TRPM3: variants seen among roughly 807,000 people sequenced by gnomAD.
TRPM3 encodes the protein long transient receptor potential channel 3.
A neutral mutation model predicts 181.2 loss-of-function variants in TRPM3; 77 were observed. The observed-to-expected ratio is 0.42, with a 90% CI of 0.35 to 0.51. The LOEUF (loss-of-function observed/expected upper bound fraction) is 0.51. Ranked by LOEUF, TRPM3 falls within the 20% of genes least tolerant of loss-of-function variation. The pLI is 0.01. For missense variants in TRPM3, 1,759 were observed against 2,196.7 expected (o/e 0.80, Z 3.98); for synonymous variants, 745 against 796.4 (o/e 0.94, Z 1.09).
At chr9:70,581,911 C>T (rs1339963971) in intron 22 of TRPM3, among the ~76,000 whole-genome samples, 5 of 142,682 alleles carry the variant, frequency 3.5e-5, no homozygotes, top group Non-Finnish European at 7.7e-5. Flanking sequence ...TCCCTCCCTT[C>T]TTCATTCCTT....
At chr9:70,990,973 G>A (rs1242966806) in intron 1 of TRPM3, among the ~76,000 whole-genome samples, 2 of 152,118 alleles carry the variant, frequency 1.3e-5, no homozygotes, top group African/African-American at 4.8e-5. Flanking sequence ...ATAAATAACT[G>A]TTGTTGCAAT....
intron 1 of TRPM3, among the ~76,000 whole-genome samples, chr9:71,050,033 C>T (rs907466433): frequency 3.3e-5 from 5 of 152,116 alleles, no homozygotes; most frequent in African/African-American, 1.2e-4. Context: ...ATAATAACAA[C>T]CTTCTTGCAG....
chr9:71,151,715 A>C (rs2075743479), intron 1 of TRPM3, among the ~76,000 whole-genome samples: 1 of 152,152 alleles, frequency 6.6e-6, no homozygotes, highest in African/African-American at 2.4e-5. Flanking sequence ...ATTTCCAGCC[A>C]TAGAAGAATG....
chr9:71,184,168 G>A (rs1565314689), intron 1 of TRPM3, among the ~76,000 whole-genome samples: 1 of 152,006 alleles, frequency 6.6e-6, no homozygotes, highest in Non-Finnish European at 1.5e-5. Flanking sequence ...AAAAAGGGAG[G>A]AATACCTCCC....
chr9:70,598,982 T>G (rs2059444773), intron 20 of TRPM3, among the ~76,000 whole-genome samples: 1 of 152,192 alleles, frequency 6.6e-6, no homozygotes, highest in African/African-American at 2.4e-5. Context: ...TCTTCCTTCA[T>G]CTCAGTAAAC....
rs867647625 is a variant in TRPM3 at position 71,409,416 on chromosome 9, C to A, written c.183+37237G>T. On this transcript the variant is annotated intron_variant, in intron 1 of 24. Transcript: ENST00000357533. ...TCAAAATAAAGGGATAGAGGAAGAT[C>A]TACCAAGCAAATGGAAAACAAAAAA... Among the ~76,000 whole-genome samples, 5 of 152,228 alleles carry A rather than the reference C, an allele frequency of 3.3e-5. No individual in the cohort carries two copies. In the South Asian group the frequency reaches 1.0e-3, roughly 32 times the overall value.
chr9:70,574,531 T>G (rs563310853), intron 22 of TRPM3, among the ~76,000 whole-genome samples: 34 of 152,366 alleles, frequency 2.2e-4, no homozygotes, highest in Non-Finnish European at 4.3e-4. Context: ...GCACTCTGTA[T>G]TCCTTCATCA....
chr9:71,346,893 GGC>G (rs1565484821), intron 1 of TRPM3, among the ~76,000 whole-genome samples: 24 of 152,060 alleles, frequency 1.6e-4, no homozygotes, highest in African/African-American at 5.6e-4. Context: ...TTATTTTCTG[GGC>G]AGCACGGATA....
chr9:70,578,632 G>A (rs2054712890), intron 22 of TRPM3, among the ~76,000 whole-genome samples: 1 of 152,222 alleles, frequency 6.6e-6, no homozygotes, highest in Non-Finnish European at 1.5e-5. Context: ...GTGAAACCCT[G>A]TAAGGGATGA....
At chr9:70,580,006 T>C (rs1188465569) in intron 22 of TRPM3, among the ~76,000 whole-genome samples, 1 of 152,168 alleles carries the variant, frequency 6.6e-6, no homozygotes, top group Non-Finnish European at 1.5e-5. Context: ...ATTTCAGCTA[T>C]TTTGGGGGTT....
chr9:70,537,465 G>A (rs1040446043), intron 25 of TRPM3, 60 bp from the exon 26 acceptor site: 2 of 1,384,718 alleles, frequency 1.4e-6, no homozygotes, highest in African/African-American at 1.4e-5. Context: ...GGGCTTTAGA[G>A]AGCAAGGATA....
At chr9:71,223,371 A>G (rs185604281) in intron 1 of TRPM3, among the ~76,000 whole-genome samples, 120 of 152,288 alleles carry the variant, frequency 7.9e-4, no homozygotes, top group Non-Finnish European at 6.0e-4. Context: ...CTGACATAAA[A>G]GCCTTGAGGC....
At chr9:70,618,761 C>T in intron 17 of TRPM3, 106 bp downstream of exon 17, 1 of 923,692 alleles carries the variant, frequency 1.1e-6, no homozygotes, top group South Asian at 1.4e-5. Flanking sequence ...TAGAACCTCC[C>T]TCCTGAGATA....
chr9:71,267,373 C>T (rs1370726642), intron 1 of TRPM3, among the ~76,000 whole-genome samples: 2 of 152,210 alleles, frequency 1.3e-5, no homozygotes, highest in Admixed American at 6.5e-5. Context: ...AGACCTGTTT[C>T]ATTCATCACT....
intron 1 of TRPM3, among the ~76,000 whole-genome samples, chr9:71,219,808 C>T (rs924416969): frequency 3.3e-5 from 5 of 152,160 alleles, no homozygotes; most frequent in South Asian, 2.1e-4. Context: ...TATGGGACAA[C>T]GCATTCAAGT....
chr9:71,400,324 T>C (rs2093312761), intron 1 of TRPM3, among the ~76,000 whole-genome samples: 1 of 152,212 alleles, frequency 6.6e-6, no homozygotes, highest in Non-Finnish European at 1.5e-5. Context: ...TTCCAGCAGC[T>C]AATTCTAAGT....
At position 71,330,296 on chromosome 9, in the gene TRPM3, C is replaced by T. The variant is rs373215012; in HGVS notation, c.183+116357G>A. On this transcript the variant is annotated intron_variant, in intron 1 of 24. Coordinates refer to the TRPM3 transcript ENST00000357533. ...AATTACTTTCAGAAATACACAGTAA[C>T]TCAATTAGGGAACCAAAAAGTTTTC... Among the ~76,000 whole-genome samples, 7 of 151,808 alleles carry T rather than the reference C, an allele frequency of 4.6e-5. No individual in the cohort carries two copies. In the East Asian group the frequency reaches 5.8e-4, roughly 13 times the overall value.
chr9:71,149,339 G>C (rs996454617), intron 1 of TRPM3, among the ~76,000 whole-genome samples: 1 of 151,986 alleles, frequency 6.6e-6, no homozygotes, highest in Non-Finnish European at 1.5e-5. Context: ...GGAGGTGGAG[G>C]CTGCAGTGAG....
intron 1 of TRPM3, among the ~76,000 whole-genome samples, chr9:70,892,572 T>G (rs944842220): frequency 6.6e-6 from 1 of 151,172 alleles, no homozygotes; most frequent in Non-Finnish European, 1.5e-5. Flanking sequence ...ACATTGCTAC[T>G]TCTTTAGGTT....
Sources: gnomAD v4.1 joint callset for allele counts (sites outside exome capture counted in the v4.1 genomes callset) on GRCh38, gnomAD v4.1.1 for gene constraint, MANE v1.5 for transcripts, NCBI Gene and HGNC (gene_info 2026-07-23, HGNC 2026-07-21) for gene names.